ABI3BP: variants seen among roughly 807,000 people sequenced by gnomAD.
ABI3BP encodes the protein ABI family member 3 binding protein.
Under a neutral mutation model 268.6 loss-of-function variants are expected in ABI3BP, and 216 were observed. The ratio of observed to expected loss-of-function variants is 0.80; its 90% confidence interval spans 0.72 to 0.90. ABI3BP has a LOEUF of 0.90. ABI3BP is among the 40% of genes least tolerant of loss of function. ABI3BP has a pLI of 0.00. For missense variants in ABI3BP, 2,090 were observed against 2,182.4 expected, an observed-to-expected ratio of 0.96 and a Z score of 0.84; for synonymous variants, 730 against 730.0, an observed-to-expected ratio of 1.00 and a Z score of 0.00.
In ABI3BP at chr3:100,815,909, T is replaced by C. The variant is rs759403064; in HGVS notation, c.3289+3A>G. 87 of 1,520,322 alleles carry C rather than the reference T, an allele frequency of 5.7e-5. 1 individual carries two copies. Among genetic ancestry groups the C allele is most frequent in the Non-Finnish European group, 6.7e-5 (77 of 1,142,316 alleles). The allele number at this position is 1,520,322 out of a possible 1,614,324, so 94.2% of individuals were successfully genotyped here. On this transcript the variant is annotated splice_donor_region_variant and intron_variant, in intron 44 of 67. Coordinates refer to ENST00000471714, the MANE Select transcript of ABI3BP (RefSeq NM_001375547.2). ...ATTTAATGCAAGTCACAAAAATCAT[T>C]ACCAAATGTTGTTCCTGGAGCATCA...
At chr3:100,860,546 C>T (rs190866693) in intron 14 of ABI3BP, among the ~76,000 whole-genome samples, 165 of 152,238 alleles carry the variant, frequency 1.1e-3, no homozygotes, top group African/African-American at 3.7e-3. Context: ...TTGGCATTTC[C>T]GATATCATCT....
At position 100,830,475 on chromosome 3, in the gene ABI3BP, C is replaced by A. The variant is rs1341118837; in HGVS notation, c.2458+103G>T. ...AGAAGTAATGAATAATAGAGGATAA[C>A]ACAGAAGCCTTGTGAAGCGGGAGAA... On this transcript the variant is annotated intron_variant, in intron 32 of 67. Coordinates refer to ENST00000471714, the MANE Select transcript of ABI3BP (RefSeq NM_001375547.2). 4 of 967,070 alleles carry A rather than the reference C, an allele frequency of 4.1e-6. No individual in the cohort carries two copies. In the East Asian group the frequency reaches 1.1e-4, roughly 25 times the overall value. 59.9% of individuals were successfully genotyped at this position (967,070 alleles called of 1,614,324 possible).
In ABI3BP at chr3:100,926,415, C is replaced by T. The variant is rs199998539; in HGVS notation, c.146G>A (p.Arg49His). 441 of 1,613,400 alleles carry T rather than the reference C, an allele frequency of 2.7e-4. 6 individuals are homozygous for T. The highest frequency in any genetic ancestry group is 2.1e-3 in the South Asian group (190 of 91,058). The change falls in exon 2 of 68, where the codon CGT becomes CAT. Residue 49 changes from arginine to histidine, a missense_variant. Physicochemically the swap from Arg to His is conservative, Grantham distance 29 (BLOSUM62 0). Transcript: ENST00000471714. ...TTCAAGCTTTACATTTGGACTTGGA[C>T]GCAAGAACTTCAAGAGGATGGAGTC... The part of the protein sequence containing the change: ...TSDSILLKFL[R>H]PSPNVKLEGL...
chr3:100,842,954 ATTC>A (rs1187049266), intron 20 of ABI3BP, among the ~76,000 whole-genome samples: 1 of 152,222 alleles, frequency 6.6e-6, no homozygotes, highest in East Asian at 1.9e-4. Context: ...AACTGAAGTC[ATTC>A]TTCTACTTAT....
At chr3:100,918,226 C>T (rs1359143622) in intron 2 of ABI3BP, among the ~76,000 whole-genome samples, 3 of 151,788 alleles carry the variant, frequency 2.0e-5, no homozygotes, top group Non-Finnish European at 4.4e-5. Context: ...GTACCCACAG[C>T]TGTTTCAGAC....
At chr3:100,891,050 T>C (rs774290786) in intron 4 of ABI3BP, among the ~76,000 whole-genome samples, 5 of 150,918 alleles carry the variant, frequency 3.3e-5, no homozygotes, top group Non-Finnish European at 5.9e-5. Context: ...TATAGCCAAA[T>C]AGAAAGCAAT....
intron 62 of ABI3BP, among the ~76,000 whole-genome samples, chr3:100,770,033 C>T (rs2096491271): frequency 6.6e-6 from 1 of 152,170 alleles, no homozygotes; most frequent in Non-Finnish European, 1.5e-5. Flanking sequence ...TTAGTTGACC[C>T]CTCTATTCCC....
At position 100,811,800 on chromosome 3, in the gene ABI3BP, C is replaced by A; in HGVS notation, c.3422-1G>T. On this transcript the variant is annotated splice_acceptor_variant, in intron 46 of 67. Transcript: ENST00000471714. LOFTEE classifies it high-confidence loss of function. ...TATACATAGTCTGTTTTGGCTGGTG[C>A]TAGGGAAGAAACGGGAATGGCTGGT... The A allele has an allele frequency of 6.5e-7, 1 of 1,535,328 alleles. No individual in the cohort carries two copies. Among genetic ancestry groups the A allele is most frequent in the Non-Finnish European group, 8.7e-7 (1 of 1,146,390 alleles).
At chr3:100,906,206 CAT>C (rs900285481) in intron 2 of ABI3BP, among the ~76,000 whole-genome samples, 16 of 152,276 alleles carry the variant, frequency 1.1e-4, no homozygotes, top group African/African-American at 3.1e-4. Context: ...AGAAAAATAA[CAT>C]ATACAGAAGC....
chr3:100,874,677 A>C (rs1244972691), intron 9 of ABI3BP, among the ~76,000 whole-genome samples, 164 bp downstream of exon 9: 1 of 152,138 alleles, frequency 6.6e-6, no homozygotes, highest in African/African-American at 2.4e-5. Flanking sequence ...TTCTTATAGA[A>C]TGTTATTTAT....
intron 2 of ABI3BP, among the ~76,000 whole-genome samples, chr3:100,921,008 C>T (rs1232437600): frequency 2.0e-5 from 3 of 152,184 alleles, no homozygotes; most frequent in Non-Finnish European, 4.4e-5. Context: ...ATTTCCAGTG[C>T]ATTGGCACTG....
At position 100,824,961 on chromosome 3, in the gene ABI3BP, T is replaced by G. The variant is rs779655327; in HGVS notation, c.2663-20A>C. The G allele has an allele frequency of 6.5e-7, 1 of 1,530,482 alleles. No individual in the cohort carries two copies. The highest frequency in any genetic ancestry group is 8.8e-7 in the Non-Finnish European group (1 of 1,142,052). The allele number at this position is 1,530,482 out of a possible 1,614,324, so 94.8% of individuals were successfully genotyped here. ...TGGTAGCTGAAGGAAGAAAAAGCCT[T>G]GTGTTACTCTAGGTCTTATGATTCT... On this transcript the variant is annotated intron_variant, in intron 35 of 67. Transcript: ENST00000471714.
intron 5 of ABI3BP, 141 bp downstream of exon 5, chr3:100,886,001 C>A (rs995156565): frequency 2.2e-5 from 13 of 591,208 alleles, no homozygotes; most frequent in Non-Finnish European, 3.5e-5. Flanking sequence ...AATATATCTT[C>A]TTTGCTTCTA....
intron 14 of ABI3BP, among the ~76,000 whole-genome samples, chr3:100,852,955 T>C (rs1298438373): frequency 6.6e-6 from 1 of 152,096 alleles, no homozygotes; most frequent in Admixed American, 6.6e-5. Context: ...TATTACGAGG[T>C]AGATGTTGCT....
intron 62 of ABI3BP, among the ~76,000 whole-genome samples, chr3:100,767,933 C>T (rs1357013358): frequency 6.6e-6 from 1 of 152,102 alleles, no homozygotes; most frequent in African/African-American, 2.4e-5. Context: ...TATGACACTC[C>T]AGTTGGTTAT....
At chr3:100,973,307 T>A (rs553539099) in intron 1 of ABI3BP, among the ~76,000 whole-genome samples, 8 of 152,268 alleles carry the variant, frequency 5.3e-5, no homozygotes, top group Admixed American at 1.3e-4. Flanking sequence ...TTGATGAAAA[T>A]GTTGTGACCA....
At chr3:100,859,126 C>T (rs1209911124) in intron 14 of ABI3BP, among the ~76,000 whole-genome samples, 1 of 152,152 alleles carries the variant, frequency 6.6e-6, no homozygotes, top group East Asian at 1.9e-4. Context: ...TTATCATGGT[C>T]TGTGTTCTCC....
intron 44 of ABI3BP, among the ~76,000 whole-genome samples, chr3:100,814,317 G>A (rs1289754402): frequency 6.6e-6 from 1 of 152,054 alleles, no homozygotes; most frequent in Non-Finnish European, 1.5e-5. Flanking sequence ...CTGATTTCAT[G>A]ACAGTAATAT....
At chr3:100,874,736 T>G in intron 9 of ABI3BP, 105 bp downstream of exon 9, 45 of 620,536 alleles carry the variant, frequency 7.3e-5, no homozygotes, top group Middle Eastern at 3.1e-4. Flanking sequence ...TTTTTTACTT[T>G]GAGATCCTCA....
Sources: allele counts gnomAD v4.1 joint callset (sites outside exome capture counted in the v4.1 genomes callset), GRCh38; gene constraint gnomAD v4.1.1; transcripts MANE v1.5; gene names NCBI Gene and HGNC (gene_info 2026-07-23, HGNC 2026-07-21).